The following MARCHF1 variants were observed in gnomAD, a reference collection of about 807,000 sequenced individuals.
The protein encoded by MARCHF1 is membrane associated ring-CH-type finger 1.
Under a neutral mutation model 54.2 loss-of-function variants are expected in MARCHF1, and 40 were observed. The ratio of observed to expected loss-of-function variants is 0.74; its 90% CI spans 0.57 to 0.96. MARCHF1 has a LOEUF of 0.96. MARCHF1 is among the 40% of genes least tolerant of loss of function. The pLI is 0.00. For synonymous variants in MARCHF1, 236 were observed against 236.3 expected (o/e 1.00, Z 0.01); for missense variants, 586 against 656.5 (o/e 0.89, Z 1.17).
chr4:164,097,847 T>G (rs78089538), intron 2 of MARCHF1, among the ~76,000 whole-genome samples: 1 of 152,280 alleles, frequency 6.6e-6, no homozygotes, highest in East Asian at 1.9e-4. Context: ...TCCCTTTTAT[T>G]TGGAAGGCTA....
At chr4:164,045,237 C>T (rs1176411637) in intron 2 of MARCHF1, among the ~76,000 whole-genome samples, 1 of 152,010 alleles carries the variant, frequency 6.6e-6, no homozygotes, top group Non-Finnish European at 1.5e-5. Context: ...TTTGGCCAGG[C>T]ATGGTAGCTC....
chr4:164,014,257 A>T (rs903689139), intron 2 of MARCHF1, among the ~76,000 whole-genome samples: 4 of 151,888 alleles, frequency 2.6e-5, no homozygotes, highest in African/African-American at 9.7e-5. Context: ...TGGAATAAAA[A>T]AGTGTAGAGG....
Position 164,371,757 on chromosome 4 carries a change from A to G in MARCHF1, c.-323+12113T>C, listed in dbSNP as rs543657805. 7.4e-4 allele frequency among the ~76,000 whole-genome samples: 113 copies of G among 152,352 alleles called. 3 individuals carry two copies. The highest frequency in any genetic ancestry group is 3.7e-4 in the Non-Finnish European group (25 of 68,028). On this transcript the variant is annotated intron_variant, in intron 1 of 9. Transcript: ENST00000514618. ...GACGGACATGTAAGTTGCTAAAACC[A>G]ATATGGAAAGATAGATCTCTAAAGA...
At chr4:164,218,550 G>C (rs1731997784) in intron 1 of MARCHF1, among the ~76,000 whole-genome samples, 1 of 152,026 alleles carries the variant, frequency 6.6e-6, no homozygotes, top group Non-Finnish European at 1.5e-5. Context: ...GTCCTTTGTA[G>C]TGGCATGGAT....
At chr4:163,742,470 C>A (rs745400892) in intron 4 of MARCHF1, among the ~76,000 whole-genome samples, 1 of 147,748 alleles carries the variant, frequency 6.8e-6, no homozygotes, top group South Asian at 2.1e-4. Flanking sequence ...TTCTTTTCTC[C>A]TTTCCTTTCC....
In MARCHF1 at chr4:164,381,239, A is replaced by C. The variant is rs150525418; in HGVS notation, c.-323+2631T>G. Among the ~76,000 whole-genome samples the C allele has an allele frequency of 7.2e-5, 11 of 152,358 alleles. No homozygotes were observed. The East Asian group carries it at 2.1e-3, about 29-fold the overall frequency. Reference sequence around the variant, plus strand: ...AGAGCCCTTGTGCAACAAAATAGGCAAAGTATGTGTGAAATACATTAAAGA... The same window carrying C: ...AGAGCCCTTGTGCAACAAAATAGGCCAAGTATGTGTGAAATACATTAAAGA... On this transcript the variant is annotated intron_variant, in intron 1 of 9. Coordinates refer to ENST00000514618, the MANE Select transcript of MARCHF1 (RefSeq NM_001394959.1).
chr4:163,565,261 T>A lies in MARCHF1; in HGVS notation c.1192-19518A>T, dbSNP rs553719531. ...AATGCTTTAATATACACATCCCTCA[T>A]GCCAAATTCTTTCACTGTAATGACA... On this transcript the variant is annotated intron_variant, in intron 8 of 9. Coordinates refer to ENST00000514618, the MANE Select transcript of MARCHF1 (RefSeq NM_001394959.1). Among the ~76,000 whole-genome samples the A allele has an allele frequency of 3.3e-5, 5 of 152,342 alleles. No homozygotes were observed. The East Asian group carries it at 9.6e-4, about 29-fold the overall frequency.
chr4:163,932,057 T>C (rs755978915), intron 3 of MARCHF1, among the ~76,000 whole-genome samples: 1 of 151,890 alleles, frequency 6.6e-6, no homozygotes, highest in African/African-American at 2.4e-5. Context: ...TTAAGTGCAA[T>C]AGGCATTATA....
At chr4:163,920,171 G>A (rs1355059352) in intron 3 of MARCHF1, among the ~76,000 whole-genome samples, 2 of 152,130 alleles carry the variant, frequency 1.3e-5, no homozygotes, top group African/African-American at 2.4e-5. Context: ...GGCCATTTAT[G>A]AAATGGTAAG....
chr4:164,325,315 T>C lies in MARCHF1; in HGVS notation c.-323+58555A>G, dbSNP rs1370753527. Among the ~76,000 whole-genome samples the C allele has an allele frequency of 2.2e-5, 3 of 137,278 alleles. No individual in the cohort carries two copies. In the East Asian group the frequency reaches 7.6e-4, roughly 35 times the overall value. The allele number at this position is 137,278 out of a possible 152,430, so 90.1% of individuals were successfully genotyped here. On this transcript the variant is annotated intron_variant, in intron 1 of 9. Coordinates refer to ENST00000514618, the MANE Select transcript of MARCHF1 (RefSeq NM_001394959.1). ...TACAAGAGAAATGGACAAGGACCAGTGAGTTGGTAGACAGAAATTATATAT... is the reference window on the plus strand; with the variant it reads ...TACAAGAGAAATGGACAAGGACCAGCGAGTTGGTAGACAGAAATTATATAT...
intron 1 of MARCHF1, among the ~76,000 whole-genome samples, chr4:164,370,981 A>T (rs1731022379): frequency 6.6e-6 from 1 of 152,138 alleles, no homozygotes; most frequent in Admixed American, 6.6e-5. Context: ...AGAACAGCCA[A>T]GAAAATTTTA....
At chr4:163,668,452 G>A (rs1246261959) in intron 5 of MARCHF1, among the ~76,000 whole-genome samples, 1 of 152,128 alleles carries the variant, frequency 6.6e-6, no homozygotes, top group African/African-American at 2.4e-5. Context: ...ACATGATAGA[G>A]ACTAGCACAA....
intron 2 of MARCHF1, among the ~76,000 whole-genome samples, chr4:164,107,928 T>G (rs1755742592): frequency 6.6e-6 from 1 of 152,070 alleles, no homozygotes; most frequent in African/African-American, 2.4e-5. Flanking sequence ...ATCATTCACA[T>G]AAACTACCCC....
chr4:163,533,283 G>A (rs10026395), intron 9 of MARCHF1, among the ~76,000 whole-genome samples: 88,211 of 151,774 alleles, frequency 0.58, 26,900 homozygotes, highest in African/African-American at 0.77. Context: ...TTCCAACTAT[G>A]TGACATTCTA....
In MARCHF1 at chr4:163,747,097, G is replaced by A. The variant is rs140378556; in HGVS notation, c.112-46234C>T. Reference sequence around the variant, plus strand: ...AGGAGAGAAATGTATAATCTGCAACGTTAAGGGGCTGCACTGTCAGTGTCA... The same window carrying A: ...AGGAGAGAAATGTATAATCTGCAACATTAAGGGGCTGCACTGTCAGTGTCA... On this transcript the variant is annotated intron_variant, in intron 4 of 9. Coordinates refer to ENST00000514618, the MANE Select transcript of MARCHF1 (RefSeq NM_001394959.1). Among the ~76,000 whole-genome samples the A allele has an allele frequency of 3.9e-3, 589 of 152,264 alleles. 3 individuals carry two copies. Among genetic ancestry groups the A allele is most frequent in the African/African-American group, 0.014 (568 of 41,550 alleles).
intron 2 of MARCHF1, among the ~76,000 whole-genome samples, chr4:164,001,559 T>C (rs964459712): frequency 2.0e-5 from 3 of 151,842 alleles, no homozygotes; most frequent in Non-Finnish European, 1.5e-5. Context: ...GTTTTAGGCA[T>C]TGTACAATAG....
intron 1 of MARCHF1, among the ~76,000 whole-genome samples, chr4:164,314,928 A>G (rs1734957313): frequency 6.6e-6 from 1 of 152,194 alleles, no homozygotes; most frequent in Non-Finnish European, 1.5e-5. Flanking sequence ...TCATTTGATT[A>G]CGTTCGCTAA....
At chr4:163,781,117 G>A (rs564214675) in intron 4 of MARCHF1, among the ~76,000 whole-genome samples, 14 of 148,294 alleles carry the variant, frequency 9.4e-5, no homozygotes, top group East Asian at 1.9e-4. Context: ...GCCAAGGGGC[G>A]GGGGGGGTGG....
chr4:164,303,124 G>A (rs1334740340), intron 1 of MARCHF1, among the ~76,000 whole-genome samples: 1 of 152,058 alleles, frequency 6.6e-6, no homozygotes, highest in African/African-American at 2.4e-5. Context: ...TCCTTGGGAT[G>A]GTTCACGGTT....
Sources: allele counts gnomAD v4.1 joint callset (sites outside exome capture counted in the v4.1 genomes callset), GRCh38; gene constraint gnomAD v4.1.1; transcripts MANE v1.5; gene names NCBI Gene and HGNC (gene_info 2026-07-23, HGNC 2026-07-21).